MTUS2: variants seen among roughly 807,000 people sequenced by gnomAD.
MTUS2 encodes the protein microtubule-associated tumor suppressor candidate 2.
A neutral mutation model predicts 114.1 loss-of-function variants in MTUS2; 40 were observed. The observed-to-expected ratio is 0.35, with a 90% CI of 0.27 to 0.46. The LOEUF (loss-of-function observed/expected upper bound fraction) is 0.46. MTUS2 is among the 20% of genes least tolerant of loss of function. The pLI, the probability that MTUS2 is intolerant of heterozygous loss-of-function variation, is 1.00. For missense variants in MTUS2, 1,679 were observed against 1,705.4 expected (o/e 0.98, Z 0.27); for synonymous variants, 688 against 672.0 (o/e 1.02, Z -0.37).
intron 2 of MTUS2, among the ~76,000 whole-genome samples, chr13:28,946,315 A>G (rs972096412): frequency 2.0e-5 from 3 of 150,788 alleles, no homozygotes; most frequent in African/African-American, 7.4e-5. Flanking sequence ...GCGCGCGCAC[A>G]TACCTGCGTG....
chr13:29,205,098 A>G (rs993825776), intron 5 of MTUS2, among the ~76,000 whole-genome samples: 1 of 152,198 alleles, frequency 6.6e-6, no homozygotes, highest in African/African-American at 2.4e-5. Context: ...AACTGAAGGT[A>G]CCTGTTAACA....
At chr13:29,346,532 C>G (rs373901330) in intron 7 of MTUS2, among the ~76,000 whole-genome samples, 8,356 of 143,700 alleles carry the variant, frequency 0.058, 878 homozygotes, top group African/African-American at 0.22. Flanking sequence ...CAGCCAGCAA[C>G]GCCAGTCTCA....
chr13:29,450,623 A>G (rs1878616816), intron 9 of MTUS2, among the ~76,000 whole-genome samples: 1 of 152,180 alleles, frequency 6.6e-6, no homozygotes, highest in South Asian at 2.1e-4. Flanking sequence ...AAGCACACCA[A>G]CTAAAAGACA....
intron 9 of MTUS2, among the ~76,000 whole-genome samples, chr13:29,473,857 C>T (rs934935132): frequency 1.2e-4 from 9 of 75,412 alleles, no homozygotes; most frequent in African/African-American, 1.8e-4. Flanking sequence ...AATGTTTTTA[C>T]GTGAGTAGAA....
intron 5 of MTUS2, among the ~76,000 whole-genome samples, chr13:29,267,122 G>T (rs141563206): frequency 6.6e-6 from 1 of 152,134 alleles, no homozygotes; most frequent in Admixed American, 6.6e-5. Context: ...AGGAGCAGAG[G>T]GGGGATTTAT....
At chr13:28,937,877 CACTG>C (rs1881995111) in intron 2 of MTUS2, among the ~76,000 whole-genome samples, 2 of 152,072 alleles carry the variant, frequency 1.3e-5, no homozygotes, top group African/African-American at 4.8e-5. Flanking sequence ...AGAAGGAAGA[CACTG>C]AGCCTAATAG....
intron 9 of MTUS2, among the ~76,000 whole-genome samples, chr13:29,451,247 C>T (rs1878663077): frequency 6.6e-6 from 1 of 151,812 alleles, no homozygotes; most frequent in South Asian, 2.1e-4. Flanking sequence ...ATGTTTTGAA[C>T]TATAATATAG....
chr13:29,279,992 C>T (rs1291333712), intron 5 of MTUS2, among the ~76,000 whole-genome samples: 1 of 152,202 alleles, frequency 6.6e-6, no homozygotes, highest in Non-Finnish European at 1.5e-5. Context: ...ATTATTCTGG[C>T]AGTATGTCAG....
intron 7 of MTUS2, among the ~76,000 whole-genome samples, chr13:29,327,069 C>T (rs1217679484): frequency 6.6e-5 from 10 of 152,058 alleles, no homozygotes; most frequent in Non-Finnish European, 8.8e-5. Context: ...GTTTCAAGTG[C>T]GTTTTTATGC....
chr13:28,963,995 C>G (rs994352841), intron 2 of MTUS2, among the ~76,000 whole-genome samples: 3 of 152,208 alleles, frequency 2.0e-5, no homozygotes, highest in Admixed American at 2.0e-4. Context: ...TTCGTTTCTA[C>G]TTTCCCCATA....
At chr13:29,010,468 C>G (rs76234509) in intron 2 of MTUS2, among the ~76,000 whole-genome samples, 15,952 of 152,180 alleles carry the variant, frequency 0.1, 1,103 homozygotes, top group South Asian at 0.17. Context: ...GACTTACCAT[C>G]TCAAGGGTCT....
At chr13:28,864,134 C>T (rs766112567) in intron 2 of MTUS2, among the ~76,000 whole-genome samples, 1 of 152,176 alleles carries the variant, frequency 6.6e-6, no homozygotes, top group Non-Finnish European at 1.5e-5. Flanking sequence ...CCTTTGCCTA[C>T]TTGAAAATCT....
intron 8 of MTUS2, among the ~76,000 whole-genome samples, chr13:29,364,302 A>G (rs1032553103): frequency 1.3e-5 from 2 of 152,172 alleles, no homozygotes; most frequent in Admixed American, 1.3e-4. Flanking sequence ...TGGGGTGAGC[A>G]AAGAGGAAGG....
intron 7 of MTUS2, among the ~76,000 whole-genome samples, chr13:29,333,956 T>G (rs9508364): frequency 0.54 from 81,799 of 151,802 alleles, 25,315 homozygotes; most frequent in East Asian, 0.75. Context: ...CTTCTTTGCC[T>G]TTTTTGATCT....
chr13:28,975,476 TCGCCCTCCCCTGC>T (rs1566264178), intron 2 of MTUS2, among the ~76,000 whole-genome samples: 17,940 of 149,560 alleles, frequency 0.12, 1,194 homozygotes, highest in African/African-American at 0.14. Flanking sequence ...TGCGGCAGCA[TCGCCCTCCCCTGC>T]GGCAGCATCG....
intron 7 of MTUS2, among the ~76,000 whole-genome samples, chr13:29,333,353 A>G (rs1019736336): frequency 1.3e-5 from 2 of 152,114 alleles, no homozygotes; most frequent in Non-Finnish European, 2.9e-5. Flanking sequence ...ATGCACCACC[A>G]TGCCCGGTTA....
chr13:29,012,766 C>T (rs1055032364), intron 2 of MTUS2, among the ~76,000 whole-genome samples: 6 of 151,870 alleles, frequency 4.0e-5, no homozygotes, highest in Non-Finnish European at 8.8e-5. Context: ...CCCAGCTACT[C>T]GGGAGGCTGA....
At chr13:29,099,125 A>G (rs1890303148) in intron 4 of MTUS2, among the ~76,000 whole-genome samples, 1 of 152,242 alleles carries the variant, frequency 6.6e-6, no homozygotes, top group African/African-American at 2.4e-5. Context: ...AGTATTCAAA[A>G]TAATGTGAGA....
intron 9 of MTUS2, among the ~76,000 whole-genome samples, chr13:29,461,164 A>G (rs1879459327): frequency 6.6e-6 from 1 of 152,136 alleles, no homozygotes; most frequent in Non-Finnish European, 1.5e-5. Flanking sequence ...GGAAAAGTGC[A>G]AGAGAGAGAG....
Sources: allele counts gnomAD v4.1 joint callset (sites outside exome capture counted in the v4.1 genomes callset), GRCh38; gene constraint gnomAD v4.1.1; transcripts MANE v1.5; gene names NCBI Gene and HGNC (gene_info 2026-07-23, HGNC 2026-07-21).